HLF: variants seen among roughly 807,000 people sequenced by gnomAD.
The protein encoded by HLF is HLF transcription factor, PAR bZIP family member.
A neutral mutation model predicts 22.6 loss-of-function variants in HLF; 3 were observed. The observed-to-expected ratio is 0.13, with a 90% CI of 0.06 to 0.34. The LOEUF is 0.34. Among genes scored for constraint, HLF ranks in the 10% least tolerant of loss-of-function variants. The pLI, the probability that HLF is intolerant of heterozygous loss-of-function variation, is 1.00. For synonymous variants in HLF, 151 were observed against 151.8 expected (o/e 0.99, Z 0.04); for missense variants, 299 against 389.2 (o/e 0.77, Z 1.95).
chr17:55,273,010 C>T, intron 2 of HLF: 1 of 152,268 alleles, frequency 6.6e-6, no homozygotes. Context: ...TAGAGTTTAT[C>T]TTCTCCACGG....
intron 2 of HLF, chr17:55,273,542 C>T (rs930629982): frequency 2.0e-5 from 3 of 152,288 alleles, no homozygotes; most frequent in Non-Finnish European, 2.9e-5. Flanking sequence ...TGGGTTGGGA[C>T]GAATCGGTTC....
At chr17:55,286,122 G>A (rs2081001971) in intron 2 of HLF, among the ~76,000 whole-genome samples, 1 of 152,192 alleles carries the variant, frequency 6.6e-6, no homozygotes, top group Non-Finnish European at 1.5e-5. Flanking sequence ...CAACTTTGTT[G>A]TCCAAATCTT....
intron 2 of HLF, among the ~76,000 whole-genome samples, chr17:55,277,188 T>C (rs1489597260): frequency 6.6e-6 from 1 of 151,958 alleles, no homozygotes; most frequent in African/African-American, 2.4e-5. Context: ...TGCCTCTATT[T>C]TATACAGCTT....
intron 1 of HLF, 130 bp from the exon 2 acceptor site, chr17:55,267,621 C>G: frequency 1.6e-6 from 1 of 625,070 alleles, no homozygotes; most frequent in South Asian, 2.2e-5. Flanking sequence ...CTACAAAAGA[C>G]AGCAGCCAGA....
At chr17:55,270,417 TC>T (rs1223044929) in intron 2 of HLF, among the ~76,000 whole-genome samples, 1 of 152,118 alleles carries the variant, frequency 6.6e-6, no homozygotes, top group African/African-American at 2.4e-5. Context: ...AAAATAAAAT[TC>T]TAAGAGATGT....
intron 2 of HLF, among the ~76,000 whole-genome samples, chr17:55,284,499 AG>A (rs1436223022): frequency 6.6e-6 from 1 of 152,210 alleles, no homozygotes; most frequent in Non-Finnish European, 1.5e-5. Context: ...AGATTAACCA[AG>A]GTGAAGGCTC....
Position 55,315,178 on chromosome 17 carries a change from C to T in HLF, c.452-49C>T. The T allele has an allele frequency of 3.5e-6, 5 of 1,422,688 alleles. No homozygotes were observed. In the East Asian group the frequency reaches 1.1e-4, roughly 32 times the overall value. 88.1% of individuals were successfully genotyped at this position (1,422,688 alleles called of 1,614,324 possible). On this transcript the variant is annotated intron_variant, in intron 2 of 3. Coordinates refer to ENST00000226067, the MANE Select transcript of HLF (RefSeq NM_002126.5). ...CAGAGCACCATTAAGTAGCTGCCTA[C>T]TGGGTCTCTCTAGGGTGTTCATGAA...
chr17:55,288,924 A>T (rs1212180343), intron 2 of HLF: 1 of 985,266 alleles, frequency 1.0e-6, no homozygotes, highest in Non-Finnish European at 1.2e-6. Flanking sequence ...ATGTTCCCAG[A>T]TCACCTGTAA....
intron 2 of HLF, among the ~76,000 whole-genome samples, chr17:55,282,064 TC>T (rs1287729238): frequency 6.6e-6 from 1 of 152,192 alleles, no homozygotes; most frequent in Non-Finnish European, 1.5e-5. Context: ...CATTTCCTCA[TC>T]CAGAACATGA....
intron 2 of HLF, among the ~76,000 whole-genome samples, chr17:55,311,423 G>A (rs1461319662): frequency 6.6e-6 from 1 of 152,122 alleles, no homozygotes; most frequent in African/African-American, 2.4e-5. Flanking sequence ...AGAATGGCTT[G>A]AATCCAGGGG....
chr17:55,281,085 G>A (rs948308456), intron 2 of HLF, among the ~76,000 whole-genome samples: 2 of 152,172 alleles, frequency 1.3e-5, no homozygotes, highest in Non-Finnish European at 2.9e-5. Flanking sequence ...GGCAGGGTAA[G>A]GCTTTTAAAG....
chr17:55,309,455 TATC>T (rs1904730268), intron 2 of HLF, among the ~76,000 whole-genome samples: 1 of 152,164 alleles, frequency 6.6e-6, no homozygotes, highest in African/African-American at 2.4e-5. Context: ...CTGATGATGG[TATC>T]ATCATCGAGG....
intron 2 of HLF, among the ~76,000 whole-genome samples, chr17:55,299,706 C>A (rs561678430): frequency 5.4e-4 from 83 of 152,320 alleles, no homozygotes; most frequent in South Asian, 2.1e-4. Flanking sequence ...TCCCAAGTAG[C>A]TAGGACTACA....
At chr17:55,301,244 C>G (rs759344960) in intron 2 of HLF, among the ~76,000 whole-genome samples, 1 of 152,236 alleles carries the variant, frequency 6.6e-6, no homozygotes, top group Non-Finnish European at 1.5e-5. Context: ...TTTTTACTTA[C>G]CTGTCTGCAC....
At chr17:55,265,754 G>A in intron 1 of HLF, 155 bp downstream of exon 1, 1 of 1,205,442 alleles carries the variant, frequency 8.3e-7, no homozygotes, top group Non-Finnish European at 1.1e-6. Flanking sequence ...AGCTCACCCA[G>A]CACCCTTCCT....
chr17:55,267,932 C>A lies in HLF; in HGVS notation c.297C>A (p.Pro99=), dbSNP rs1194311249. The A allele has an allele frequency of 1.2e-6, 2 of 1,614,140 alleles. No individual in the cohort carries two copies. Among genetic ancestry groups the A allele is most frequent in the Non-Finnish European group, 1.7e-6 (2 of 1,180,030 alleles). Residue 99 remains proline (P), a synonymous_variant, in exon 2 of 4, where the codon CCC becomes CCA. Coordinates refer to ENST00000226067, the MANE Select transcript of HLF (RefSeq NM_002126.5). ...TTTTGTCAGAAAATGGCATTCCCCC[C>A]AGCCCATCTCAGCATGACCACAGCC... ...EEFLSENGIP[P]SPSQHDHSPH...
rs1381351491 is a variant in HLF at position 55,323,126 on chromosome 17, C to T, written c.*2247C>T. The T allele has an allele frequency of 4.6e-6, 1 of 217,274 alleles. No homozygotes were observed. The highest frequency in any genetic ancestry group is 9.3e-6 in the Non-Finnish European group (1 of 108,026). The allele number at this position is 217,274 out of a possible 1,614,324, so 13.5% of individuals were successfully genotyped here. A position where few individuals can be genotyped will look rare whatever the true frequency, so the allele number is the denominator to read the frequency against. The stretch of plus-strand genomic sequence containing the variant: ...CAGTAGGATATTTCTACAAGGTGTT[C>T]ATTTTGTCACAAGCTGTAGATAACA... On this transcript the variant is annotated 3_prime_UTR_variant, in exon 4 of 4. Coordinates refer to ENST00000226067, the MANE Select transcript of HLF (RefSeq NM_002126.5).
At position 55,324,720 on chromosome 17, in the gene HLF, T is replaced by C. The variant is rs113722689; in HGVS notation, c.*3841T>C. The stretch of plus-strand genomic sequence containing the variant: ...GCAATTAATAATGTCATTTAAAAAA[T>C]GAGCAAAGCCTTATCCGAATCGGAT... On this transcript the variant is annotated 3_prime_UTR_variant, in exon 4 of 4. Transcript: ENST00000226067. 4 of 233,122 alleles carry C rather than the reference T, an allele frequency of 1.7e-5. No individual in the cohort carries two copies. Among genetic ancestry groups the C allele is most frequent in the African/African-American group, 6.6e-5 (3 of 45,346 alleles). The allele number at this position is 233,122 out of a possible 1,614,324, so 14.4% of individuals were successfully genotyped here. A position where few individuals can be genotyped will look rare whatever the true frequency, so the allele number is the denominator to read the frequency against.
intron 2 of HLF, among the ~76,000 whole-genome samples, chr17:55,275,992 T>G (rs2080901356): frequency 6.6e-6 from 1 of 152,088 alleles, no homozygotes; most frequent in Non-Finnish European, 1.5e-5. Flanking sequence ...CCTGTAGTCT[T>G]GGCTACTTGG....
Sources: gnomAD v4.1 joint callset for allele counts (sites outside exome capture counted in the v4.1 genomes callset) on GRCh38, gnomAD v4.1.1 for gene constraint, MANE v1.5 for transcripts, NCBI Gene and HGNC (gene_info 2026-07-23, HGNC 2026-07-21) for gene names.